CFTR: variants seen among roughly 807,000 people sequenced by gnomAD.
CFTR encodes CF transmembrane conductance regulator.
In CFTR, 181 loss-of-function variants were observed where a neutral mutation model predicts 171.6. That is an observed-to-expected ratio of 1.05 (90% confidence interval 0.93 to 1.19). The LOEUF (loss-of-function observed/expected upper bound fraction) is 1.19, where lower values mean the gene tolerates loss of function less well. CFTR is among the 50% of genes most tolerant of loss of function. CFTR has a pLI of 0.00. For missense variants in CFTR, 1,968 were observed against 1,734.7 expected (o/e 1.13, Z -2.39); for synonymous variants, 583 against 608.0 (o/e 0.96, Z 0.60).
At chr7:117,518,324 T>C (rs976430645) in intron 3 of CFTR, among the ~76,000 whole-genome samples, 5 of 146,832 alleles carry the variant, frequency 3.4e-5, no homozygotes, top group African/African-American at 1.2e-4. Context: ...ATTATAATTG[T>C]ATATAACATA....
rs545934731 is a variant in CFTR at position 117,488,311 on chromosome 7, CT to C, written c.53+8167del. ...TGCTTTAAAAGATACAGTTTTTAGT[CT>C]TTCTTAGTTTAAAATAAAATCTAGA... On this transcript the variant is annotated intron_variant, in intron 1 of 26. Coordinates refer to ENST00000003084, the MANE Select transcript of CFTR (RefSeq NM_000492.4). 3.6e-3 allele frequency among the ~76,000 whole-genome samples: 555 copies of C among 152,066 alleles called. 5 individuals are homozygous for C. The highest frequency in any genetic ancestry group is 9.6e-3 in the African/African-American group (397 of 41,546).
chr7:117,665,827 A>G (rs1302515233), intron 26 of CFTR, among the ~76,000 whole-genome samples: 1 of 152,160 alleles, frequency 6.6e-6, no homozygotes, highest in Non-Finnish European at 1.5e-5. Flanking sequence ...ATACTTTTTG[A>G]GCCCTTTATT....
chr7:117,480,179 A>C, intron 1 of CFTR, 32 bp downstream of exon 1: 1 of 1,610,120 alleles, frequency 6.2e-7, no homozygotes, highest in Non-Finnish European at 8.5e-7. Context: ...CTTCGGAAAG[A>C]CACGTGCCCA....
chr7:117,651,630 A>G (rs901491470), intron 23 of CFTR, among the ~76,000 whole-genome samples: 1 of 152,198 alleles, frequency 6.6e-6, no homozygotes, highest in South Asian at 2.1e-4. Context: ...ATTTTTATGT[A>G]GGTTGAGAAA....
intron 22 of CFTR, among the ~76,000 whole-genome samples, chr7:117,628,901 T>C (rs1354710937): frequency 1.3e-5 from 2 of 152,046 alleles, no homozygotes; most frequent in Non-Finnish European, 2.9e-5. Flanking sequence ...AAAAGTGATA[T>C]CATTATTATA....
intron 1 of CFTR, among the ~76,000 whole-genome samples, chr7:117,481,956 A>G (rs1223363537): frequency 6.6e-6 from 1 of 152,162 alleles, no homozygotes. Context: ...TAAAATTTGG[A>G]GACTGTCATA....
rs1792679016 is a variant in CFTR at position 117,627,874 on chromosome 7, T to A, written c.3717+104T>A. Reference sequence around the variant, plus strand: ...GAATCTATTTGTAACATTATTATTGTACAGTAGAATCAATATTAAACACAC... The same window carrying A: ...GAATCTATTTGTAACATTATTATTGAACAGTAGAATCAATATTAAACACAC... On this transcript the variant is annotated intron_variant, in intron 22 of 26. Coordinates refer to ENST00000003084, the MANE Select transcript of CFTR (RefSeq NM_000492.4). The A allele has an allele frequency of 3.4e-6, 4 of 1,174,998 alleles. No individual in the cohort carries two copies. The Admixed American group carries it at 5.1e-5, about 15-fold the overall frequency. The allele number at this position is 1,174,998 out of a possible 1,614,324, so 72.8% of individuals were successfully genotyped here. A position where few individuals can be genotyped will look rare whatever the true frequency, so the allele number is the denominator to read the frequency against.
At chr7:117,586,113 T>C (rs959340772) in intron 11 of CFTR, 2 of 152,286 alleles carry the variant, frequency 1.3e-5, no homozygotes, top group South Asian at 2.1e-4. Context: ...CCTTCTAAAT[T>C]AGGTGTGAAG....
rs1193752688 is a variant in CFTR, at chr7:117,592,347, A to C, written c.2180A>C (p.Asp727Ala). 1 of 1,614,186 alleles carries C rather than the reference A, an allele frequency of 6.2e-7. No homozygotes were observed. The highest frequency in any genetic ancestry group is 1.7e-5 in the Admixed American group (1 of 60,026). ...TPLQMNGIEE[D>A]SDEPLERRLS... ...TTACAAATGAATGGCATCGAAGAGG[A>C]TTCTGATGAGCCTTTAGAGAGAAGG... Residue 727 changes from aspartate (D) to alanine (A), a missense_variant, in exon 14 of 27, where the codon GAT becomes GCT. Transcript: ENST00000003084.
chr7:117,573,362 A>G (rs1349820684), intron 11 of CFTR, among the ~76,000 whole-genome samples: 1 of 152,142 alleles, frequency 6.6e-6, no homozygotes, highest in Admixed American at 6.5e-5. Context: ...AGTATTCTCA[A>G]GTGCTTTACA....
At chr7:117,549,242 A>AAATAGATTTAG (rs1799227504) in intron 10 of CFTR, among the ~76,000 whole-genome samples, 2 of 152,160 alleles carry the variant, frequency 1.3e-5, no homozygotes, top group African/African-American at 2.4e-5. Flanking sequence ...TTAACATTAC[A>AAATAGATTTAG]ATTTTCAGAA....
At position 117,480,708 on chromosome 7, in the gene CFTR, G is replaced by A. The variant is rs917191066; in HGVS notation, c.53+561G>A. 3.9e-5 allele frequency among the ~76,000 whole-genome samples: 6 copies of A among 152,194 alleles called. No homozygotes were observed. In the South Asian group the frequency reaches 1.2e-3, roughly 32 times the overall value. ...TTCTTCAAAAATTGAAAGCAAATTT[G>A]TTGAAATATTTATTTTGAAAAAAGT... On this transcript the variant is annotated intron_variant, in intron 1 of 26. Coordinates refer to ENST00000003084, the MANE Select transcript of CFTR (RefSeq NM_000492.4).
chr7:117,633,087 C>A (rs936363478), intron 22 of CFTR, among the ~76,000 whole-genome samples: 2 of 152,262 alleles, frequency 1.3e-5, no homozygotes, highest in African/African-American at 2.4e-5. Context: ...TGGCTTGAAT[C>A]TATAGATGGA....
chr7:117,566,962 T>A (rs528258434), intron 11 of CFTR, among the ~76,000 whole-genome samples: 1 of 152,262 alleles, frequency 6.6e-6, no homozygotes, highest in African/African-American at 2.4e-5. Context: ...AGTCTGTCCC[T>A]CCCAGTAAGA....
intron 22 of CFTR, among the ~76,000 whole-genome samples, chr7:117,637,996 C>T (rs1450211467): frequency 1.3e-5 from 2 of 152,132 alleles, no homozygotes; most frequent in Non-Finnish European, 2.9e-5. Context: ...GTATAGAAGT[C>T]GGCCAGTGAC....
chr7:117,578,130 A>T (rs765006595), intron 11 of CFTR, among the ~76,000 whole-genome samples: 14 of 152,004 alleles, frequency 9.2e-5, no homozygotes, highest in Non-Finnish European at 1.8e-4. Flanking sequence ...TAGCCAAGTT[A>T]TTGTACAGTT....
chr7:117,507,635 A>G (rs1798442360), intron 2 of CFTR, among the ~76,000 whole-genome samples: 1 of 152,174 alleles, frequency 6.6e-6, no homozygotes, highest in Non-Finnish European at 1.5e-5. Flanking sequence ...AAGGTGGAGA[A>G]GCATGTGGGG....
intron 1 of CFTR, among the ~76,000 whole-genome samples, chr7:117,500,819 CTT>C (rs1335987495): frequency 6.6e-6 from 1 of 152,074 alleles, no homozygotes; most frequent in African/African-American, 2.4e-5. Flanking sequence ...GAACTTAAGT[CTT>C]TATATTACTG....
intron 3 of CFTR, among the ~76,000 whole-genome samples, chr7:117,529,639 A>C (rs1798823717): frequency 6.6e-6 from 1 of 152,192 alleles, no homozygotes; most frequent in African/African-American, 2.4e-5. Context: ...TGCTCAATCA[A>C]TGACAGCTCT....
Sources: allele counts gnomAD v4.1 joint callset (sites outside exome capture counted in the v4.1 genomes callset), GRCh38; gene constraint gnomAD v4.1.1; transcripts MANE v1.5; gene names NCBI Gene and HGNC (gene_info 2026-07-23, HGNC 2026-07-21).